KCNIP4: variants seen among roughly 807,000 people sequenced by gnomAD.
The protein encoded by KCNIP4 is Kv channel-interacting protein 4.
Under a neutral mutation model 34.0 loss-of-function variants are expected in KCNIP4, and 12 were observed. That is an observed-to-expected ratio of 0.35 (90% CI 0.23 to 0.57). The LOEUF is 0.57. KCNIP4 is among the 20% of genes least tolerant of loss of function. The probability of loss-of-function intolerance (pLI) is 0.83; values close to 1 mark genes in which losing one functional copy is unlikely to be tolerated. For synonymous variants in KCNIP4, 124 were observed against 102.2 expected (o/e 1.21, Z -1.29); for missense variants, 238 against 311.7 (o/e 0.76, Z 1.78).
intron 1 of KCNIP4, among the ~76,000 whole-genome samples, chr4:21,788,422 T>C (rs1002081654): frequency 1.3e-5 from 2 of 152,208 alleles, no homozygotes; most frequent in African/African-American, 4.8e-5. Flanking sequence ...ATCAATTACT[T>C]TAACTTCTAT....
chr4:21,509,225 T>C (rs1734103576), intron 1 of KCNIP4, among the ~76,000 whole-genome samples: 1 of 152,102 alleles, frequency 6.6e-6, no homozygotes, highest in African/African-American at 2.4e-5. Context: ...GCCCTTTACA[T>C]TTTACAGAGG....
At chr4:21,509,832 A>G (rs572117823) in intron 1 of KCNIP4, among the ~76,000 whole-genome samples, 4 of 152,220 alleles carry the variant, frequency 2.6e-5, no homozygotes, top group Admixed American at 2.6e-4. Context: ...AACGGCAACA[A>G]TCTGGCCAGG....
At chr4:20,746,718 G>A (rs1752496360) in intron 5 of KCNIP4, among the ~76,000 whole-genome samples, 1 of 152,138 alleles carries the variant, frequency 6.6e-6, no homozygotes, top group South Asian at 2.1e-4. Flanking sequence ...TAAGTACTCA[G>A]CCTAGGGTCT....
intron 1 of KCNIP4, among the ~76,000 whole-genome samples, chr4:21,098,194 A>G (rs73802482): frequency 1.4e-4 from 22 of 152,196 alleles, no homozygotes; most frequent in Non-Finnish European, 2.5e-4. Context: ...TTGATTAAGG[A>G]AAGAAGTTGT....
At chr4:21,259,087 G>A (rs1215047063) in intron 1 of KCNIP4, among the ~76,000 whole-genome samples, 2 of 152,094 alleles carry the variant, frequency 1.3e-5, no homozygotes, top group East Asian at 1.9e-4. Context: ...TACTTTTCAC[G>A]TCATACTGAT....
intron 1 of KCNIP4, among the ~76,000 whole-genome samples, chr4:21,552,057 A>C (rs545957089): frequency 5.5e-4 from 66 of 120,770 alleles, no homozygotes; most frequent in Middle Eastern, 4.9e-3. Flanking sequence ...AAAAAACAAA[A>C]AACAACAACA....
intron 1 of KCNIP4, among the ~76,000 whole-genome samples, chr4:21,043,485 A>G (rs1028859534): frequency 6.7e-6 from 1 of 148,232 alleles, no homozygotes; most frequent in Non-Finnish European, 1.5e-5. Context: ...GTGCACCACC[A>G]TGCCCAGCTA....
chr4:21,365,481 AT>A (rs1719655902), intron 1 of KCNIP4, among the ~76,000 whole-genome samples: 19 of 77,662 alleles, frequency 2.4e-4, no homozygotes, highest in African/African-American at 1.1e-3. Flanking sequence ...GTCTCAAAAA[AT>A]AAATAAATAA....
At chr4:21,762,996 C>T in intron 1 of KCNIP4, 1 of 1,288,842 alleles carries the variant, frequency 7.8e-7, no homozygotes, top group Non-Finnish European at 1.0e-6. Context: ...TTGTCAAGGA[C>T]AGCACTTGGT....
chr4:21,715,551 A>AT (rs1714307872), intron 1 of KCNIP4, among the ~76,000 whole-genome samples: 1 of 152,168 alleles, frequency 6.6e-6, no homozygotes, highest in African/African-American at 2.4e-5. Flanking sequence ...AATCCCTTCT[A>AT]TGCCAGTTTT....
At chr4:21,250,523 C>T (rs955741869) in intron 1 of KCNIP4, among the ~76,000 whole-genome samples, 13 of 152,198 alleles carry the variant, frequency 8.5e-5, no homozygotes, top group South Asian at 2.1e-4. Context: ...AGGAGGAATA[C>T]GCAGGATACA....
rs555997931 is a variant in KCNIP4, at chr4:21,097,799, G to A, written c.62-215090C>T. 5.9e-5 allele frequency among the ~76,000 whole-genome samples: 9 copies of A among 152,214 alleles called. No homozygotes were observed. In the South Asian group the frequency reaches 1.9e-3, roughly 32 times the overall value. ...AATAATGCTACAATGGCCTGTAAAT[G>A]TTTAAGGGCAAGGAAGAACCACCCG... On this transcript the variant is annotated intron_variant, in intron 1 of 8. Transcript: ENST00000382152.
At chr4:20,750,376 T>C (rs1002177265) in intron 4 of KCNIP4, among the ~76,000 whole-genome samples, 2 of 152,040 alleles carry the variant, frequency 1.3e-5, no homozygotes, top group Non-Finnish European at 2.9e-5. Context: ...GGGAAGTTTC[T>C]GTGGCTGTGT....
chr4:21,223,440 T>G (rs145071651), intron 1 of KCNIP4, among the ~76,000 whole-genome samples: 2 of 152,264 alleles, frequency 1.3e-5, no homozygotes, highest in Non-Finnish European at 2.9e-5. Flanking sequence ...ATGCATGTGG[T>G]CATTTGTTCC....
chr4:21,023,002 TA>T (rs1740209171), intron 1 of KCNIP4, among the ~76,000 whole-genome samples: 1 of 152,094 alleles, frequency 6.6e-6, no homozygotes, highest in Non-Finnish European at 1.5e-5. Context: ...TTTGTATTTT[TA>T]GTAGAGACAG....
At chr4:20,789,287 A>C (rs1712420420) in intron 3 of KCNIP4, among the ~76,000 whole-genome samples, 1 of 152,184 alleles carries the variant, frequency 6.6e-6, no homozygotes. Flanking sequence ...ATCCTCTAAG[A>C]AATCTCGAAG....
At chr4:20,809,692 G>C (rs866378018) in intron 3 of KCNIP4, among the ~76,000 whole-genome samples, 2 of 152,154 alleles carry the variant, frequency 1.3e-5, no homozygotes, top group Admixed American at 1.3e-4. Context: ...CTATTATAGG[G>C]GTATTTGAGT....
At chr4:21,320,964 T>TTAAAAAAAA (rs1553860312) in intron 1 of KCNIP4, among the ~76,000 whole-genome samples, 5 of 102,900 alleles carry the variant, frequency 4.9e-5, no homozygotes, top group African/African-American at 9.2e-5. Flanking sequence ...GAATCTGTCT[T>TTAAAAAAAA]AAAAAAAAAA....
chr4:21,410,993 C>G (rs983744664), intron 1 of KCNIP4, among the ~76,000 whole-genome samples: 3 of 151,994 alleles, frequency 2.0e-5, no homozygotes, highest in Non-Finnish European at 4.4e-5. Flanking sequence ...TAGAGGTGAC[C>G]TGGAGAAAGG....
Sources: gnomAD v4.1 joint callset for allele counts (sites outside exome capture counted in the v4.1 genomes callset) on GRCh38, gnomAD v4.1.1 for gene constraint, MANE v1.5 for transcripts, NCBI Gene and HGNC (gene_info 2026-07-23, HGNC 2026-07-21) for gene names.